The following DCDC1 variants were observed in gnomAD, a reference collection of about 807,000 sequenced individuals.
The protein encoded by DCDC1 is doublecortin domain containing 1.
In DCDC1, 200 loss-of-function variants were observed where a neutral mutation model predicts 178.3. That is an observed-to-expected ratio of 1.12 (90% confidence interval 1.00 to 1.26). The LOEUF (loss-of-function observed/expected upper bound fraction) is 1.26, where lower values mean the gene tolerates loss of function less well. DCDC1 is among the 50% of genes most tolerant of loss of function. The pLI, the probability that DCDC1 is intolerant of heterozygous loss-of-function variation, is 0.00. For missense variants in DCDC1, 1,983 were observed against 1,749.2 expected (o/e 1.13, Z -2.38); for synonymous variants, 690 against 604.8 (o/e 1.14, Z -2.07).
Position 31,102,186 on chromosome 11 carries a change from T to C in DCDC1, c.1974A>G (p.Leu658=), listed in dbSNP as rs762500747. ...ATAACTAAAATCCCACCTTGTTCTG[T>C]AGAAAATGGTTCTCCAAGTCCACCT... ...FEKVDLENHF[L]QNKVDPNIVL... is the part of the protein sequence containing the mutation. Residue 658 remains leucine (L), a synonymous_variant, in exon 15 of 39, where the codon CTA becomes CTG. Transcript: ENST00000684477. The C allele has an allele frequency of 2.8e-6, 2 of 719,818 alleles. No homozygotes were observed. The highest frequency in any genetic ancestry group is 4.6e-4 in the Middle Eastern group (2 of 4,312). 44.6% of individuals were successfully genotyped at this position (719,818 alleles called of 1,614,324 possible). A position where few individuals can be genotyped will look rare whatever the true frequency, so the allele number is the denominator to read the frequency against.
chr11:31,330,533 C>T (rs1323288737), intron 2 of DCDC1, among the ~76,000 whole-genome samples: 1 of 152,130 alleles, frequency 6.6e-6, no homozygotes, highest in Non-Finnish European at 1.5e-5. Context: ...GGTTTTAGGT[C>T]TAACATTTAA....
At chr11:30,981,242 G>A (rs1950380412) in intron 20 of DCDC1, among the ~76,000 whole-genome samples, 3 of 152,036 alleles carry the variant, frequency 2.0e-5, no homozygotes, top group Non-Finnish European at 4.4e-5. Flanking sequence ...TGGGTACAAT[G>A]TTCACCATTT....
chr11:30,937,372 C>A (rs1947341305), intron 21 of DCDC1, among the ~76,000 whole-genome samples: 1 of 152,058 alleles, frequency 6.6e-6, no homozygotes, highest in Non-Finnish European at 1.5e-5. Context: ...CCTGGTGGGA[C>A]CTACTCAAAA....
chr11:31,324,165 T>C (rs574556125), intron 3 of DCDC1, among the ~76,000 whole-genome samples: 1 of 152,204 alleles, frequency 6.6e-6, no homozygotes, highest in South Asian at 2.1e-4. Context: ...ACATATATAC[T>C]ACATAGAATA....
chr11:30,931,700 C>A, intron 22 of DCDC1, 71 bp downstream of exon 22: 3 of 1,410,606 alleles, frequency 2.1e-6, no homozygotes, highest in South Asian at 1.6e-5. Flanking sequence ...AGAAAAACAT[C>A]CATAATTAAG....
At chr11:30,937,293 C>A (rs185270745) in intron 21 of DCDC1, among the ~76,000 whole-genome samples, 1 of 152,072 alleles carries the variant, frequency 6.6e-6, no homozygotes, top group African/African-American at 2.4e-5. Context: ...GAGGAGCGAG[C>A]CACCCCAGTA....
chr11:31,256,037 A>G (rs1247785513), intron 8 of DCDC1, among the ~76,000 whole-genome samples: 1 of 152,174 alleles, frequency 6.6e-6, no homozygotes, highest in Non-Finnish European at 1.5e-5. Flanking sequence ...AGTCTTTTGC[A>G]TGTGGATATC....
At chr11:31,026,473 C>T (rs78174829) in intron 20 of DCDC1, among the ~76,000 whole-genome samples, 2 of 151,844 alleles carry the variant, frequency 1.3e-5, no homozygotes, top group East Asian at 3.9e-4. Flanking sequence ...TTCTTTTGTG[C>T]GTGCTCAAGT....
intron 9 of DCDC1, among the ~76,000 whole-genome samples, chr11:31,173,213 A>G (rs544897297): frequency 6.6e-6 from 1 of 152,334 alleles, no homozygotes; most frequent in South Asian, 2.1e-4. Flanking sequence ...ATTTACTCTG[A>G]TAAGATACAA....
intron 27 of DCDC1, among the ~76,000 whole-genome samples, chr11:30,913,274 G>C (rs1346247756): frequency 1.3e-5 from 2 of 152,084 alleles, no homozygotes; most frequent in Non-Finnish European, 2.9e-5. Context: ...TGGGCGTGGT[G>C]GCGGGTGCCT....
chr11:31,056,646 G>A (rs1310074827), intron 20 of DCDC1, among the ~76,000 whole-genome samples: 6 of 152,100 alleles, frequency 3.9e-5, no homozygotes, highest in Non-Finnish European at 8.8e-5. Flanking sequence ...AAAATTGTAT[G>A]TACCTAATAA....
At chr11:31,194,133 AC>A (rs2136373350) in intron 9 of DCDC1, among the ~76,000 whole-genome samples, 1 of 152,262 alleles carries the variant, frequency 6.6e-6, no homozygotes, top group African/African-American at 2.4e-5. Flanking sequence ...AGTATTCAAA[AC>A]TAAAGTTTGA....
In DCDC1 at chr11:30,922,500, T is replaced by A. The variant is rs1441598798; in HGVS notation, c.3133+3A>T. On this transcript the variant is annotated splice_donor_region_variant and intron_variant, in intron 24 of 38. Transcript: ENST00000684477. ...TATTAAGGTAAATAATTCCAATGCT[T>A]ACCTTCTATTTTATGTGTGCTGCAG... 57 of 1,524,774 alleles carry A rather than the reference T, an allele frequency of 3.7e-5. No individual in the cohort carries two copies. Among genetic ancestry groups the A allele is most frequent in the Non-Finnish European group, 4.9e-5 (56 of 1,143,516 alleles). 94.5% of individuals were successfully genotyped at this position (1,524,774 alleles called of 1,614,324 possible).
intron 11 of DCDC1, among the ~76,000 whole-genome samples, chr11:31,117,261 G>A (rs1277728597): frequency 2.0e-5 from 3 of 152,006 alleles, no homozygotes; most frequent in Non-Finnish European, 4.4e-5. Flanking sequence ...GGTTTCACAC[G>A]GGGAATCAGA....
Position 30,956,410 on chromosome 11 carries a change from AT to A in DCDC1, c.2592-3843del, listed in dbSNP as rs1022865105. Among the ~76,000 whole-genome samples the A allele has an allele frequency of 6.6e-5, 10 of 152,046 alleles. No homozygotes were observed. In the South Asian group the frequency reaches 2.1e-3, roughly 32 times the overall value. ...CAATATCTCAAGTAGGGAAACTCTG[AT>A]TTTTTTTATGTTGTTCACTATTTTG... On this transcript the variant is annotated intron_variant, in intron 20 of 38. Coordinates refer to ENST00000684477, the MANE Select transcript of DCDC1 (RefSeq NM_001387274.1).
At chr11:31,157,386 T>TATAC (rs753985064) in intron 9 of DCDC1, among the ~76,000 whole-genome samples, 1 of 142,730 alleles carries the variant, frequency 7.0e-6, no homozygotes, top group African/African-American at 2.6e-5. Context: ...TATATATATA[T>TATAC]ACATATATAT....
intron 8 of DCDC1, among the ~76,000 whole-genome samples, chr11:31,253,944 C>A (rs527841863): frequency 6.6e-6 from 1 of 152,300 alleles, no homozygotes; most frequent in East Asian, 1.9e-4. Flanking sequence ...GACATCCTCA[C>A]ACTGTTGAAT....
intron 27 of DCDC1, 116 bp downstream of exon 27, chr11:30,915,395 A>T: frequency 9.0e-7 from 1 of 1,106,634 alleles, no homozygotes; most frequent in Non-Finnish European, 1.3e-6. Context: ...CAGCTAAGTT[A>T]AATAGAAGAC....
chr11:31,363,857 G>A (rs1219176405), intron 1 of DCDC1, among the ~76,000 whole-genome samples: 1 of 152,148 alleles, frequency 6.6e-6, no homozygotes, highest in South Asian at 2.1e-4. Context: ...AGTACAGCCA[G>A]TACCTGACTT....
Sources: gnomAD v4.1 joint callset for allele counts (sites outside exome capture counted in the v4.1 genomes callset) on GRCh38, gnomAD v4.1.1 for gene constraint, MANE v1.5 for transcripts, NCBI Gene and HGNC (gene_info 2026-07-23, HGNC 2026-07-21) for gene names.